GLIS3: variants seen among roughly 807,000 people sequenced by gnomAD.
The protein encoded by GLIS3 is zinc finger protein GLIS3.
In GLIS3, 53 loss-of-function variants were observed where a neutral mutation model predicts 78.6. The ratio of observed to expected loss-of-function variants is 0.67; its 90% CI spans 0.54 to 0.85. GLIS3 has a LOEUF of 0.85. Among genes scored for constraint, GLIS3 ranks in the 40% least tolerant of loss-of-function variants. The pLI, the probability that GLIS3 is intolerant of heterozygous loss-of-function variation, is 0.00. For synonymous variants in GLIS3, 684 were observed against 509.9 expected (o/e 1.34, Z -4.60); for missense variants, 1,703 against 1,231.1 (o/e 1.38, Z -5.74).
chr9:3,907,605 A>AACACACACACACAC lies in GLIS3; in HGVS notation c.1984-8784_1984-8771dup, dbSNP rs1041005940. Among the ~76,000 whole-genome samples, 82 of 92,320 alleles carry AACACACACACACAC rather than the reference A, an allele frequency of 8.9e-4. 3 individuals carry two copies. Among genetic ancestry groups the AACACACACACACAC allele is most frequent in the South Asian group, 3.0e-3 (7 of 2,308 alleles). 60.6% of individuals were successfully genotyped at this position (92,320 alleles called of 152,430 possible). A position where few individuals can be genotyped will look rare whatever the true frequency, so the allele number is the denominator to read the frequency against. On this transcript the variant is annotated intron_variant, in intron 6 of 10. Coordinates refer to ENST00000381971, the MANE Select transcript of GLIS3 (RefSeq NM_001042413.2). ...AATGGCTAGCATCCTCCACCCCCCA[A>AACACACACACACAC]ACACACACACACACACACAGACACA...
intron 2 of GLIS3, among the ~76,000 whole-genome samples, chr9:4,224,494 G>C (rs535621254): frequency 2.3e-4 from 35 of 152,102 alleles, no homozygotes; most frequent in African/African-American, 8.0e-4. Context: ...TCATCATTAG[G>C]AAGAGTTCTG....
At chr9:3,896,387 G>C (rs1315045559) in intron 7 of GLIS3, among the ~76,000 whole-genome samples, 1 of 152,072 alleles carries the variant, frequency 6.6e-6, no homozygotes, top group Non-Finnish European at 1.5e-5. Context: ...AGTAGGGCCC[G>C]AGCACAGTGG....
chr9:3,916,446 G>A (rs1358109321), intron 6 of GLIS3, among the ~76,000 whole-genome samples: 1 of 152,222 alleles, frequency 6.6e-6, no homozygotes, highest in Non-Finnish European at 1.5e-5. Context: ...CAGGTTCAAA[G>A]TATGTTTTGT....
chr9:4,218,112 C>A (rs188896305), intron 2 of GLIS3, among the ~76,000 whole-genome samples: 41 of 152,316 alleles, frequency 2.7e-4, no homozygotes, highest in Non-Finnish European at 4.4e-4. Context: ...ATCCATCTAC[C>A]CAGTTGCTGC....
Position 3,995,906 on chromosome 9 carries a change from A to T in GLIS3, c.1711-58717T>A, listed in dbSNP as rs188695146. Among the ~76,000 whole-genome samples, 196 of 152,268 alleles carry T rather than the reference A, an allele frequency of 1.3e-3. 3 individuals are homozygous for T. The highest frequency in any genetic ancestry group is 4.5e-3 in the African/African-American group (188 of 41,576). ...AATGGCAACATTTTGAAAAAGAATG[A>T]ATAAGAACTTTCCTGAATTCAAAAA... On this transcript the variant is annotated intron_variant, in intron 4 of 10. Coordinates refer to ENST00000381971, the MANE Select transcript of GLIS3 (RefSeq NM_001042413.2).
intron 7 of GLIS3, among the ~76,000 whole-genome samples, chr9:3,893,454 T>C (rs1293742079): frequency 2.0e-5 from 3 of 152,212 alleles, no homozygotes; most frequent in Non-Finnish European, 4.4e-5. Flanking sequence ...TTTCTTCAGC[T>C]GAGTGGTTAT....
chr9:4,327,583 TC>T (rs1817619649), intron 2 of GLIS3, among the ~76,000 whole-genome samples: 1 of 150,904 alleles, frequency 6.6e-6, no homozygotes, highest in Non-Finnish European at 1.5e-5. Flanking sequence ...GGAGGAGGAG[TC>T]ACCAACAATT....
At chr9:4,409,723 A>G in the GLIS3 span, among the ~76,000 whole-genome samples, 1 of 152,220 alleles carries the variant, frequency 6.6e-6, no homozygotes. Flanking sequence ...GCAAGGAACA[A>G]ATGATAAATC....
the GLIS3 span, among the ~76,000 whole-genome samples, chr9:4,426,152 G>A: frequency 6.6e-6 from 1 of 152,280 alleles, no homozygotes; most frequent in Admixed American, 6.5e-5. Context: ...TTGAACTCCA[G>A]AAAAGATTTT....
At chr9:4,239,734 G>A (rs1199149777) in intron 2 of GLIS3, among the ~76,000 whole-genome samples, 2 of 152,082 alleles carry the variant, frequency 1.3e-5, no homozygotes, top group African/African-American at 2.4e-5. Context: ...CACTAAATAG[G>A]TTTTCATTTA....
intron 1 of GLIS3, among the ~76,000 whole-genome samples, chr9:4,294,842 C>T (rs954762669): frequency 6.6e-6 from 1 of 152,162 alleles, no homozygotes; most frequent in African/African-American, 2.4e-5. Context: ...TACATTTATT[C>T]TATTTATATT....
the GLIS3 span, among the ~76,000 whole-genome samples, chr9:4,364,755 G>GTTTT: frequency 6.5e-5 from 1 of 15,490 alleles, no homozygotes; most frequent in African/African-American, 1.6e-4. Flanking sequence ...ATCATGTATT[G>GTTTT]CTTTTTTTTT....
chr9:4,361,922 T>C, the GLIS3 span, among the ~76,000 whole-genome samples: 39 of 152,244 alleles, frequency 2.6e-4, no homozygotes, highest in African/African-American at 8.9e-4. Flanking sequence ...TGGAATGTTA[T>C]CTCTCTTCTC....
intron 2 of GLIS3, among the ~76,000 whole-genome samples, chr9:4,184,900 A>G (rs1817645342): frequency 6.6e-6 from 1 of 152,214 alleles, no homozygotes; most frequent in South Asian, 2.1e-4. Context: ...ATTGGGTTAC[A>G]TTACAGCCAC....
intron 4 of GLIS3, among the ~76,000 whole-genome samples, chr9:4,091,296 G>C (rs1048726090): frequency 1.5e-4 from 23 of 152,052 alleles, no homozygotes; most frequent in Admixed American, 1.3e-3. Context: ...GAGCCTGGGA[G>C]TTCGAGGCTG....
chr9:4,099,695 C>A (rs1044716048), intron 4 of GLIS3, among the ~76,000 whole-genome samples: 1 of 152,156 alleles, frequency 6.6e-6, no homozygotes, highest in African/African-American at 2.4e-5. Flanking sequence ...CTCTAAGTCC[C>A]TTCCCAACTT....
At chr9:4,465,894 T>C in the GLIS3 span, among the ~76,000 whole-genome samples, 1 of 152,220 alleles carries the variant, frequency 6.6e-6, no homozygotes, top group Non-Finnish European at 1.5e-5. Context: ...AAGCATTAAG[T>C]GCATTTGAAG....
rs145838657 is a variant in GLIS3, at chr9:4,169,071, G to A, written c.389-43130C>T. Among the ~76,000 whole-genome samples the A allele has an allele frequency of 1.6e-4, 25 of 152,312 alleles. 1 individual carries two copies. In the East Asian group the frequency reaches 4.2e-3, roughly 26 times the overall value. ...ACCAGCTTTAATGAGGAAGATGGGA[G>A]AGGTGATTGTCCTGTCTCTACATTT... On this transcript the variant is annotated intron_variant, in intron 2 of 10. Coordinates refer to ENST00000381971, the MANE Select transcript of GLIS3 (RefSeq NM_001042413.2).
chr9:4,054,525 G>T (rs139274047), intron 4 of GLIS3: 270 of 984,272 alleles, frequency 2.7e-4, no homozygotes, highest in Admixed American at 1.3e-3. Context: ...TACAGAGAAG[G>T]AGGCAAACAC....
Sources: allele counts gnomAD v4.1 joint callset (sites outside exome capture counted in the v4.1 genomes callset), GRCh38; gene constraint gnomAD v4.1.1; transcripts MANE v1.5; gene names NCBI Gene and HGNC (gene_info 2026-07-23, HGNC 2026-07-21).